KIAA0319: variants seen among roughly 807,000 people sequenced by gnomAD.
KIAA0319 encodes the protein dyslexia-associated protein KIAA0319.
Under a neutral mutation model 108.4 loss-of-function variants are expected in KIAA0319, and 83 were observed. The observed-to-expected ratio is 0.77, with a 90% CI of 0.64 to 0.92. KIAA0319 has a LOEUF of 0.92. KIAA0319 is among the 40% of genes least tolerant of loss of function. The pLI, the probability that KIAA0319 is intolerant of heterozygous loss-of-function variation, is 0.00. For synonymous variants in KIAA0319, 484 were observed against 510.4 expected, an observed-to-expected ratio of 0.95 and a Z score of 0.70; for missense variants, 1,195 against 1,322.4, an observed-to-expected ratio of 0.90 and a Z score of 1.49.
chr6:24,630,413 GC>G (rs1775366081), intron 1 of KIAA0319, among the ~76,000 whole-genome samples: 1 of 150,576 alleles, frequency 6.6e-6, no homozygotes, highest in African/African-American at 2.4e-5. Context: ...GGAGGCTGAG[GC>G]AGGAGAATTG....
chr6:24,641,572 A>T (rs907226458), intron 1 of KIAA0319, among the ~76,000 whole-genome samples: 21 of 152,322 alleles, frequency 1.4e-4, no homozygotes, highest in Admixed American at 1.4e-3. Flanking sequence ...ATGCTCAGAA[A>T]CACATATCTG....
chr6:24,598,095 G>C (rs539817630), intron 2 of KIAA0319: 1 of 441,248 alleles, frequency 2.3e-6, no homozygotes, highest in Non-Finnish European at 4.3e-6. Context: ...ACACAAGCTG[G>C]CCTGGTGCCA....
downstream of KIAA0319, chr6:24,543,960 T>C (rs1411569019): frequency 1.3e-5 from 2 of 152,214 alleles, no homozygotes; most frequent in African/African-American, 4.8e-5. Flanking sequence ...CAGGGGATGT[T>C]AGTCCAGCCT....
intron 1 of KIAA0319, among the ~76,000 whole-genome samples, chr6:24,620,903 T>C (rs1309869440): frequency 6.6e-6 from 1 of 152,186 alleles, no homozygotes; most frequent in Non-Finnish European, 1.5e-5. Flanking sequence ...ATTCATTCTA[T>C]AATAGCACCT....
At chr6:24,583,344 G>T in intron 5 of KIAA0319, 1 of 669,902 alleles carries the variant, frequency 1.5e-6, no homozygotes, top group Non-Finnish European at 2.1e-6. Context: ...GATCTGCTTT[G>T]CATCATCAGA....
intron 6 of KIAA0319, among the ~76,000 whole-genome samples, 159 bp downstream of exon 6, chr6:24,582,090 G>A (rs1156344541): frequency 1.3e-5 from 2 of 152,162 alleles, no homozygotes; most frequent in African/African-American, 4.8e-5. Flanking sequence ...AGGTTGCAGT[G>A]AGCTGTAATT....
At position 24,563,340 on chromosome 6, in the gene KIAA0319, T is replaced by C. The variant is rs1389594382; in HGVS notation, c.2591+19A>G. On this transcript the variant is annotated intron_variant, in intron 16 of 20. Transcript: ENST00000378214. ...AATTTTGTACGGCCAAGGCCCCGCCTTGAGTGTGCAGCTCCTACCTGAGAT... is the reference window on the plus strand; with the variant it reads ...AATTTTGTACGGCCAAGGCCCCGCCCTGAGTGTGCAGCTCCTACCTGAGAT... 4 of 1,604,088 alleles carry C rather than the reference T, an allele frequency of 2.5e-6. No homozygotes were observed. The highest frequency in any genetic ancestry group is 3.4e-6 in the Non-Finnish European group (4 of 1,173,742).
intron 1 of KIAA0319, among the ~76,000 whole-genome samples, chr6:24,635,962 G>T (rs1776152308): frequency 6.6e-6 from 1 of 152,158 alleles, no homozygotes; most frequent in Non-Finnish European, 1.5e-5. Flanking sequence ...AAACACCACT[G>T]CAGCCTAGAA....
At chr6:24,556,532 G>GC in intron 18 of KIAA0319, 75 bp downstream of exon 18, 1 of 1,516,448 alleles carries the variant, frequency 6.6e-7, no homozygotes, top group Admixed American at 2.0e-5. Context: ...CGAATATTAG[G>GC]CAGATATTTC....
intron 13 of KIAA0319, among the ~76,000 whole-genome samples, chr6:24,566,983 G>C (rs577052435): frequency 5.3e-5 from 8 of 152,160 alleles, no homozygotes; most frequent in Non-Finnish European, 1.0e-4. Flanking sequence ...CAGGTGGCAA[G>C]CTGTACCTTG....
At chr6:24,568,165 T>C (rs12193738) in intron 13 of KIAA0319, among the ~76,000 whole-genome samples, 53,588 of 152,044 alleles carry the variant, frequency 0.35, 11,061 homozygotes, top group Non-Finnish European at 0.48. Context: ...CTCTTGCCAT[T>C]CTACAATGCT....
At chr6:24,553,278 T>C (rs1224817642) in intron 19 of KIAA0319, among the ~76,000 whole-genome samples, 4 of 72,514 alleles carry the variant, frequency 5.5e-5, no homozygotes, top group Non-Finnish European at 1.1e-4. Context: ...GAGATAGATA[T>C]ATATATATAT....
At chr6:24,616,645 C>A (rs1342675231) in intron 1 of KIAA0319, among the ~76,000 whole-genome samples, 2 of 152,234 alleles carry the variant, frequency 1.3e-5, no homozygotes, top group Non-Finnish European at 2.9e-5. Context: ...AGCCACCGTG[C>A]TCGGCCTGGT....
At position 24,544,266 on chromosome 6, in the gene KIAA0319, C is replaced by CTA. The variant is rs1310009454; in HGVS notation, c.*2897_*2898dup. 1 of 152,180 alleles carries CTA rather than the reference C, an allele frequency of 6.6e-6. No individual in the cohort carries two copies. The highest frequency in any genetic ancestry group is 2.4e-5 in the African/African-American group (1 of 41,438). 9.4% of individuals were successfully genotyped at this position (152,180 alleles called of 1,614,324 possible). ...AGGCTGTAGGCCACAGTTTGCTGAC[C>CTA]TATACTCAAGGGAAATCCCTCTACC... On this transcript the variant is annotated 3_prime_UTR_variant, in exon 21 of 21. Transcript: ENST00000378214.
chr6:24,640,390 G>C (rs1053415927), intron 1 of KIAA0319, among the ~76,000 whole-genome samples: 2 of 152,064 alleles, frequency 1.3e-5, no homozygotes, highest in African/African-American at 4.8e-5. Context: ...CCAGTCTGTG[G>C]GGACTGACTG....
chr6:24,559,018 G>C lies in KIAA0319; in HGVS notation c.2729C>G (p.Thr910Arg). 3 of 1,610,612 alleles carry C rather than the reference G, an allele frequency of 1.9e-6. No individual in the cohort carries two copies. The highest frequency in any genetic ancestry group is 2.5e-6 in the Non-Finnish European group (3 of 1,178,660). ...ATATTCCATAGGAGACCTACCTGCT[G>C]TATCAACCCTCAAGACCTTGAAAAG... The part of the protein sequence containing the change: ...FLLFKVLRVD[T>R]AGCLLKCSGH... Residue 910 changes from threonine (T) to arginine (R), a missense_variant, in exon 17 of 21, where the codon ACA becomes AGA. Coordinates refer to ENST00000378214, the MANE Select transcript of KIAA0319 (RefSeq NM_014809.4).
At chr6:24,567,391 G>A (rs748391582) in intron 13 of KIAA0319, among the ~76,000 whole-genome samples, 2 of 152,114 alleles carry the variant, frequency 1.3e-5, no homozygotes, top group African/African-American at 2.4e-5. Context: ...TCACTTCTCT[G>A]ACTAGGTGTT....
intron 18 of KIAA0319, among the ~76,000 whole-genome samples, chr6:24,555,042 T>C (rs980779869): frequency 1.3e-5 from 2 of 152,224 alleles, no homozygotes; most frequent in African/African-American, 4.8e-5. Flanking sequence ...AGCATCTATA[T>C]GGCTGTTTAT....
chr6:24,612,276 A>T (rs1456867791), intron 1 of KIAA0319, among the ~76,000 whole-genome samples: 1 of 151,816 alleles, frequency 6.6e-6, no homozygotes, highest in African/African-American at 2.4e-5. Flanking sequence ...ACACAGCGAG[A>T]CCTCATCTCC....
Sources: gnomAD v4.1 joint callset for allele counts (sites outside exome capture counted in the v4.1 genomes callset) on GRCh38, gnomAD v4.1.1 for gene constraint, MANE v1.5 for transcripts, NCBI Gene and HGNC (gene_info 2026-07-23, HGNC 2026-07-21) for gene names.